Variants in KLB observed in about 807,000 individuals in gnomAD.
KLB encodes beta-klotho.
Under a neutral mutation model 88.4 loss-of-function variants are expected in KLB, and 44 were observed. That is an observed-to-expected ratio of 0.50 (90% confidence interval 0.39 to 0.64). The LOEUF (loss-of-function observed/expected upper bound fraction) is 0.64, where lower values mean the gene tolerates loss of function less well. Ranked by LOEUF, KLB falls within the 30% of genes least tolerant of loss-of-function variation. The probability of loss-of-function intolerance (pLI) is 0.00; values close to 1 mark genes in which losing one functional copy is unlikely to be tolerated. For synonymous variants in KLB, 548 were observed against 513.4 expected (o/e 1.07, Z -0.91); for missense variants, 1,137 against 1,304.8 (o/e 0.87, Z 1.98).
At chr4:39,427,917 G>A (rs768168040) in intron 1 of KLB, among the ~76,000 whole-genome samples, 18 of 152,172 alleles carry the variant, frequency 1.2e-4, no homozygotes, top group Non-Finnish European at 1.6e-4. Flanking sequence ...AAGCTGATGA[G>A]TCAGCAGAGC....
intron 1 of KLB, among the ~76,000 whole-genome samples, chr4:39,431,337 C>T (rs1449396161): frequency 1.3e-5 from 2 of 152,208 alleles, no homozygotes; most frequent in Non-Finnish European, 1.5e-5. Flanking sequence ...CTGCAACCTC[C>T]GCCTCCTGGG....
chr4:39,420,180 G>T (rs1428506114), intron 1 of KLB, among the ~76,000 whole-genome samples: 4 of 151,994 alleles, frequency 2.6e-5, no homozygotes, highest in African/African-American at 9.7e-5. Flanking sequence ...TGAAAGCCAG[G>T]ATCTTTTAGT....
chr4:39,448,187 A>C, intron 4 of KLB, 114 bp from the exon 5 acceptor site: 1 of 725,774 alleles, frequency 1.4e-6, no homozygotes. Flanking sequence ...TCTAATAAAA[A>C]TCACTACCTT....
intron 2 of KLB, among the ~76,000 whole-genome samples, chr4:39,436,003 A>T (rs1743463897): frequency 6.6e-6 from 1 of 152,166 alleles, no homozygotes; most frequent in Non-Finnish European, 1.5e-5. Flanking sequence ...AGACAAAATG[A>T]GTTGTTTCTA....
chr4:39,434,325 T>C lies in KLB; in HGVS notation c.941T>C (p.Met314Thr), dbSNP rs753782971. Residue 314 changes from methionine (M) to threonine (T), a missense_variant, in exon 2 of 5, where the codon ATG becomes ACG. By Grantham distance (81) the Met-to-Thr change is moderately conservative. Around this residue, in one of 4 missense-constraint regions of KLB, gnomAD observed 597 missense variants for 765.2 expected, o/e 0.78. Transcript: ENST00000257408. ...WIEPNRSENT[M>T]DIFKCQQSMV... ...GAGCCAAACCGGTCGGAAAACACGA[T>C]GGATATATTCAAATGTCAACAATCC... 8 of 1,614,146 alleles carry C rather than the reference T, an allele frequency of 5.0e-6. No homozygotes were observed. The highest frequency in any genetic ancestry group is 5.1e-6 in the Non-Finnish European group (6 of 1,180,034).
intron 3 of KLB, among the ~76,000 whole-genome samples, chr4:39,438,888 G>A (rs1743536345): frequency 6.6e-6 from 1 of 152,066 alleles, no homozygotes; most frequent in African/African-American, 2.4e-5. Context: ...GGGGAGGAAA[G>A]TGAGACCTAT....
chr4:39,423,609 C>T (rs1245976623), intron 1 of KLB, among the ~76,000 whole-genome samples: 1 of 151,764 alleles, frequency 6.6e-6, no homozygotes, highest in African/African-American at 2.4e-5. Flanking sequence ...AAAAATAAGA[C>T]TTGTCTTGCA....
chr4:39,413,736 A>T (rs1349543416), intron 1 of KLB, among the ~76,000 whole-genome samples: 1 of 151,794 alleles, frequency 6.6e-6, no homozygotes, highest in African/African-American at 2.4e-5. Context: ...GAAAAAAAAA[A>T]AATAAATAAA....
chr4:39,447,027 C>A lies in KLB; in HGVS notation c.2301C>A (p.Phe767Leu), dbSNP rs1171126878. ...HWRAAERFLQ[F>L]EIAWFAEPLF... Reference sequence around the variant, plus strand: ...GGGCGGCCGAGCGCTTCCTGCAGTTCGAGATCGCCTGGTTCGCCGAGCCGC... The same window carrying A: ...GGGCGGCCGAGCGCTTCCTGCAGTTAGAGATCGCCTGGTTCGCCGAGCCGC... The change falls in exon 4 of 5, where the codon TTC (phenylalanine) becomes TTA (leucine). Residue 767 changes from phenylalanine to leucine, a missense_variant. Coordinates refer to ENST00000257408, the MANE Select transcript of KLB (RefSeq NM_175737.4). 1.9e-6 allele frequency: 3 copies of A among 1,611,530 alleles called. No homozygotes were observed. Among genetic ancestry groups the A allele is most frequent in the South Asian group, 1.1e-5 (1 of 91,074 alleles).
rs1743134788 is a variant in KLB at position 39,423,618 on chromosome 4, C to A, written c.826-10592C>A. On this transcript the variant is annotated intron_variant, in intron 1 of 4. Transcript: ENST00000257408. ...AATGGGAAAAATAAGACTTGTCTTG[C>A]AGAAGCTGTATTATCAATAAGGTAC... 4.0e-5 allele frequency among the ~76,000 whole-genome samples: 6 copies of A among 151,814 alleles called. No individual in the cohort carries two copies. The South Asian group carries it at 1.2e-3, about 32-fold the overall frequency.
At position 39,447,070 on chromosome 4, in the gene KLB, T is replaced by C. The variant is rs1208862586; in HGVS notation, c.2344T>C (p.Tyr782His). ...CGAGCCGCTCTTCAAGACCGGGGACTACCCCGCGGCCATGAGGGAATACAT... is the reference window on the plus strand; with the variant it reads ...CGAGCCGCTCTTCAAGACCGGGGACCACCCCGCGGCCATGAGGGAATACAT... ...FAEPLFKTGD[Y>H]PAAMREYIAS... The change falls in exon 4 of 5, where the codon TAC becomes CAC. Residue 782 changes from tyrosine to histidine, a missense_variant. Transcript: ENST00000257408. The C allele has an allele frequency of 6.2e-7, 1 of 1,612,944 alleles. No homozygotes were observed. The highest frequency in any genetic ancestry group is 1.7e-5 in the Admixed American group (1 of 60,026).
At position 39,447,129 on chromosome 4, in the gene KLB, G is replaced by T. The variant is rs568412722; in HGVS notation, c.2403G>T (p.Ser801=). 7 of 1,613,460 alleles carry T rather than the reference G, an allele frequency of 4.3e-6. No individual in the cohort carries two copies. The highest frequency in any genetic ancestry group is 1.6e-4 in the Middle Eastern group (1 of 6,084). The change falls in exon 4 of 5, where the codon TCG becomes TCT. Residue 801 remains serine (S), a synonymous_variant. Transcript: ENST00000257408. ...ASKHRRGLSS[S]ALPRLTEAER... is the part of the protein sequence containing the mutation. ...AGCACCGACGGGGGCTTTCCAGCTC[G>T]GCCCTGCCGCGCCTCACCGAGGCCG...
At chr4:39,424,362 C>A (rs983150642) in intron 1 of KLB, among the ~76,000 whole-genome samples, 1 of 151,690 alleles carries the variant, frequency 6.6e-6, no homozygotes, top group Non-Finnish European at 1.5e-5. Context: ...TGAGCTACCA[C>A]GCCTAGCACA....
chr4:39,442,455 AC>A (rs1275373556), intron 3 of KLB, among the ~76,000 whole-genome samples: 3 of 137,770 alleles, frequency 2.2e-5, no homozygotes, highest in Non-Finnish European at 4.6e-5. Flanking sequence ...TTTTTTTGAG[AC>A]AGAGCCTTGC....
Position 39,446,697 on chromosome 4 carries a change from T to A in KLB, c.1971T>A (p.His657Gln). The change falls in exon 4 of 5, where the codon CAT (histidine) becomes CAA (glutamine). Residue 657 changes from histidine (H) to glutamine (Q), a missense_variant. By Grantham distance (24) the His-to-Gln change is conservative. Transcript: ENST00000257408. The surrounding 1 kb of genome is among the most constrained non-coding windows in gnomAD (Gnocchi z 6.4). ...AHLGLPEPLL[H>Q]ADGWLNPSTA... ...TAGGCCTCCCCGAGCCTCTGTTGCA[T>A]GCCGACGGGTGGCTGAACCCATCGA... is the stretch of plus-strand genomic sequence containing the variant. 6.2e-7 allele frequency: 1 copy of A among 1,610,742 alleles called. No individual in the cohort carries two copies. Among genetic ancestry groups the A allele is most frequent in the African/African-American group, 1.3e-5 (1 of 75,016 alleles).
intron 2 of KLB, 91 bp downstream of exon 2, chr4:39,434,811 GC>G: frequency 9.5e-7 from 1 of 1,047,458 alleles, no homozygotes; most frequent in Non-Finnish European, 1.4e-6. Flanking sequence ...TTATTGTTGG[GC>G]TTTTTTTTTT....
In KLB at chr4:39,407,091, C is replaced by T. The variant is rs773728856; in HGVS notation, c.142C>T (p.Arg48Ter). The change falls in exon 1 of 5, where the codon CGA becomes TGA. Residue 48 changes from arginine to a stop codon, truncating the protein, a stop_gained. Coordinates refer to ENST00000257408, the MANE Select transcript of KLB (RefSeq NM_175737.4). LOFTEE classifies it high-confidence loss of function. ...SVILSALILLRAVTGFSGDGR... is the reference protein window; with the variant it reads ...SVILSALILL ...CATCCTGTCAGCACTTATTCTGCTA[C>T]GAGCTGTTACTGGATTCTCTGGAGA... is the stretch of plus-strand genomic sequence containing the variant. The T allele has an allele frequency of 3.7e-6, 6 of 1,614,016 alleles. No homozygotes were observed. The South Asian group carries it at 6.6e-5, about 18-fold the overall frequency.
In KLB at chr4:39,437,809, C is replaced by A. The variant is rs758719872; in HGVS notation, c.1419C>A (p.Thr473=). 9.3e-6 allele frequency: 15 copies of A among 1,614,018 alleles called. No individual in the cohort carries two copies. The Admixed American group carries it at 2.5e-4, about 27-fold the overall frequency. ...GCTTTGAATGGCAGGATGCTTACAC[C>A]ATCCGCCGAGGATTATTTTATGTGG... The part of the protein sequence containing the change: ...LDGFEWQDAY[T]IRRGLFYVDF... Residue 473 remains threonine (T), a synonymous_variant, in exon 3 of 5, where the codon ACC becomes ACA. Coordinates refer to ENST00000257408, the MANE Select transcript of KLB (RefSeq NM_175737.4).
chr4:39,449,544 G>A lies in KLB; in HGVS notation c.*858G>A, dbSNP rs975217889. ...CAGTTACAACACAGACTCTTAAAGA[G>A]GATCAAGCCCTTCATTTTTCTAACA... On this transcript the variant is annotated 3_prime_UTR_variant, in exon 5 of 5. Transcript: ENST00000257408. 6.6e-6 allele frequency: 1 copy of A among 152,020 alleles called. No individual in the cohort carries two copies. The highest frequency in any genetic ancestry group is 2.4e-5 in the African/African-American group (1 of 41,376). The allele number at this position is 152,020 out of a possible 1,614,324, so 9.4% of individuals were successfully genotyped here. A position where few individuals can be genotyped will look rare whatever the true frequency, so the allele number is the denominator to read the frequency against.
Sources: gnomAD v4.1 joint callset for allele counts (sites outside exome capture counted in the v4.1 genomes callset) on GRCh38, gnomAD v4.1.1 for gene constraint, gnomAD v4.1.1 regional missense constraint, Gnocchi (gnomAD v3.1) non-coding constraint, MANE v1.5 for transcripts, NCBI Gene and HGNC (gene_info 2026-07-23, HGNC 2026-07-21) for gene names.